Variants in HFM1 observed in about 807,000 individuals in gnomAD.
HFM1 encodes the protein helicase for meiosis 1.
In HFM1, 169 loss-of-function variants were observed where a neutral mutation model predicts 192.1. That is an observed-to-expected ratio of 0.88 (90% CI 0.78 to 1.00). The LOEUF (loss-of-function observed/expected upper bound fraction) is 1.00. Among genes scored for constraint, HFM1 ranks in the 50% least tolerant of loss-of-function variants. The pLI is 0.00. For synonymous variants in HFM1, 525 were observed against 537.8 expected (o/e 0.98, Z 0.33); for missense variants, 1,661 against 1,668.0 (o/e 1.00, Z 0.07).
intron 13 of HFM1, among the ~76,000 whole-genome samples, chr1:91,369,148 T>A (rs949891260): frequency 2.0e-5 from 3 of 152,132 alleles, no homozygotes; most frequent in African/African-American, 7.2e-5. Flanking sequence ...ACAATAATAA[T>A]GGGAGACTTT....
At chr1:91,300,913 C>T (rs199558373) in intron 30 of HFM1, among the ~76,000 whole-genome samples, 13 of 151,444 alleles carry the variant, frequency 8.6e-5, no homozygotes, top group Non-Finnish European at 1.8e-4. Context: ...CTATTCAACA[C>T]AGTGTTGGAA....
In HFM1 at chr1:91,378,449, C is replaced by T. The variant is rs772963726; in HGVS notation, c.1190G>A (p.Arg397Lys). The T allele has an allele frequency of 1.1e-5, 17 of 1,604,840 alleles. No homozygotes were observed. The South Asian group carries it at 1.8e-4, about 17-fold the overall frequency. ...AACCAGCTGAACCAAAGAGTTGTCTCTCCATTTCCTAGTCATGCTATCCCA... is the reference window on the plus strand; with the variant it reads ...AACCAGCTGAACCAAAGAGTTGTCTTTCCATTTCCTAGTCATGCTATCCCA... ...EKWDSMTRKW[R>K]DNSLVQLVRL... is the part of the protein sequence containing the mutation. The change falls in exon 10 of 39, where the codon AGA becomes AAA. Residue 397 changes from arginine (R) to lysine (K), a missense_variant. Coordinates refer to ENST00000370425, the MANE Select transcript of HFM1 (RefSeq NM_001017975.6).
At chr1:91,288,946 G>A (rs940589350) in intron 30 of HFM1, among the ~76,000 whole-genome samples, 1 of 151,458 alleles carries the variant, frequency 6.6e-6, no homozygotes, top group African/African-American at 2.4e-5. Context: ...TTCCCAGACG[G>A]GCCGGCCGGG....
chr1:91,368,925 C>G (rs1395278688), intron 13 of HFM1, among the ~76,000 whole-genome samples: 2 of 151,606 alleles, frequency 1.3e-5, no homozygotes, highest in South Asian at 4.2e-4. Flanking sequence ...AAATGGAAAA[C>G]AAAAAAAGGC....
At chr1:91,281,079 C>T (rs901532711) in intron 30 of HFM1, among the ~76,000 whole-genome samples, 3 of 152,078 alleles carry the variant, frequency 2.0e-5, no homozygotes, top group Non-Finnish European at 4.4e-5. Flanking sequence ...AAAAACGTCA[C>T]CATATAGAGT....
At chr1:91,329,802 G>C (rs943885452) in intron 20 of HFM1, among the ~76,000 whole-genome samples, 2 of 152,190 alleles carry the variant, frequency 1.3e-5, no homozygotes, top group Non-Finnish European at 2.9e-5. Flanking sequence ...GAAAGTGATA[G>C]ATAGCAACAA....
intron 30 of HFM1, among the ~76,000 whole-genome samples, chr1:91,289,418 T>C (rs1052744108): frequency 2.6e-5 from 4 of 150,986 alleles, no homozygotes; most frequent in Admixed American, 2.0e-4. Context: ...TCCCAGACGA[T>C]GGGCGGCCAG....
At chr1:91,305,612 G>C (rs1039965973) in intron 30 of HFM1, among the ~76,000 whole-genome samples, 9 of 151,646 alleles carry the variant, frequency 5.9e-5, no homozygotes, top group Non-Finnish European at 1.3e-4. Context: ...CTGTTGCCCA[G>C]GCTGGAGTGG....
intron 30 of HFM1, among the ~76,000 whole-genome samples, chr1:91,301,268 T>A (rs1319230794): frequency 6.7e-6 from 1 of 149,642 alleles, no homozygotes; most frequent in African/African-American, 2.5e-5. Context: ...AAACCACTGC[T>A]CAATGAAATA....
intron 30 of HFM1, among the ~76,000 whole-genome samples, chr1:91,280,402 G>A (rs1480647043): frequency 6.6e-6 from 1 of 152,194 alleles, no homozygotes; most frequent in Non-Finnish European, 1.5e-5. Context: ...TGGTAGTAAA[G>A]GCAGCCTATG....
intron 1 of HFM1, among the ~76,000 whole-genome samples, chr1:91,404,290 C>A (rs538534581): frequency 6.6e-6 from 1 of 152,358 alleles, no homozygotes; most frequent in South Asian, 2.1e-4. Context: ...AGGAGAATAT[C>A]CTAAATCCAA....
intron 34 of HFM1, among the ~76,000 whole-genome samples, chr1:91,268,433 A>G (rs1239757916): frequency 6.6e-6 from 1 of 152,016 alleles, no homozygotes; most frequent in Non-Finnish European, 1.5e-5. Flanking sequence ...TACATAAGTG[A>G]AAATTCCACT....
chr1:91,341,157 T>C (rs1219017690), intron 20 of HFM1, among the ~76,000 whole-genome samples: 1 of 152,124 alleles, frequency 6.6e-6, no homozygotes, highest in Non-Finnish European at 1.5e-5. Flanking sequence ...CATCTGCACA[T>C]GTAACATACT....
intron 30 of HFM1, among the ~76,000 whole-genome samples, chr1:91,279,705 T>A (rs1007129865): frequency 1.3e-5 from 2 of 152,172 alleles, no homozygotes; most frequent in Admixed American, 6.5e-5. Context: ...AAGACCCTCA[T>A]TTCCTTGCCC....
At chr1:91,330,264 G>A (rs756443089) in intron 20 of HFM1, among the ~76,000 whole-genome samples, 1 of 151,572 alleles carries the variant, frequency 6.6e-6, no homozygotes, top group Non-Finnish European at 1.5e-5. Flanking sequence ...TAAAAAAAAA[G>A]AAGAAGAAGA....
chr1:91,390,301 T>A (rs978869839), intron 4 of HFM1, among the ~76,000 whole-genome samples: 1 of 151,910 alleles, frequency 6.6e-6, no homozygotes, highest in Non-Finnish European at 1.5e-5. Flanking sequence ...CCGGGTGTGG[T>A]GGCGCACGCC....
chr1:91,345,398 T>C (rs1045711414), intron 19 of HFM1, among the ~76,000 whole-genome samples: 5 of 152,114 alleles, frequency 3.3e-5, no homozygotes, highest in African/African-American at 1.2e-4. Context: ...ATAAGAGATG[T>C]AGTTAGAGAA....
intron 30 of HFM1, among the ~76,000 whole-genome samples, chr1:91,285,468 T>C (rs1667871739): frequency 6.6e-6 from 1 of 152,188 alleles, no homozygotes; most frequent in Non-Finnish European, 1.5e-5. Flanking sequence ...GAAATTTGGA[T>C]TGTTTTGAAA....
chr1:91,348,047 T>C (rs1237451790), intron 18 of HFM1, among the ~76,000 whole-genome samples: 5 of 152,102 alleles, frequency 3.3e-5, no homozygotes, highest in African/African-American at 1.2e-4. Context: ...TGGGGGCAAA[T>C]ACTGACAGAA....
Sources: allele counts gnomAD v4.1 joint callset (sites outside exome capture counted in the v4.1 genomes callset), GRCh38; gene constraint gnomAD v4.1.1; transcripts MANE v1.5; gene names NCBI Gene and HGNC (gene_info 2026-07-23, HGNC 2026-07-21).